The following MSL2 variants were observed in gnomAD, a reference collection of about 807,000 sequenced individuals.
The protein encoded by MSL2 is MSL complex subunit 2.
In MSL2, 2 loss-of-function variants were observed where a neutral mutation model predicts 35.8. The observed-to-expected ratio is 0.06, with a 90% confidence interval of 0.02 to 0.18. The LOEUF is 0.18. MSL2 is among the 10% of genes least tolerant of loss of function. MSL2 has a pLI of 1.00. For missense variants in MSL2, 523 were observed against 706.7 expected (o/e 0.74, Z 2.95); for synonymous variants, 296 against 255.7 (o/e 1.16, Z -1.50).
chr3:136,169,022 C>CT (rs1436496402), intron 1 of MSL2, among the ~76,000 whole-genome samples: 2 of 151,980 alleles, frequency 1.3e-5, no homozygotes. Flanking sequence ...CTGTGAGGCT[C>CT]TTGATCAAAA....
intron 1 of MSL2, among the ~76,000 whole-genome samples, chr3:136,185,582 G>T (rs538556852): frequency 6.0e-4 from 91 of 151,872 alleles, no homozygotes; most frequent in African/African-American, 2.1e-3. Flanking sequence ...TGTCGCCCAG[G>T]CTGGAGTGCA....
intron 1 of MSL2, among the ~76,000 whole-genome samples, chr3:136,170,369 T>G (rs560719216): frequency 8.4e-6 from 1 of 119,072 alleles, no homozygotes; most frequent in Non-Finnish European, 1.8e-5. Context: ...AAAAAAACCA[T>G]TGTTAACTAT....
intron 1 of MSL2, among the ~76,000 whole-genome samples, chr3:136,173,247 C>G (rs1428928694): frequency 1.3e-5 from 2 of 152,190 alleles, no homozygotes; most frequent in Non-Finnish European, 2.9e-5. Flanking sequence ...AACTACTGTT[C>G]ATAAACTGGT....
At chr3:136,180,655 G>C (rs1044320170) in intron 1 of MSL2, among the ~76,000 whole-genome samples, 2 of 149,786 alleles carry the variant, frequency 1.3e-5, no homozygotes, top group Non-Finnish European at 3.0e-5. Flanking sequence ...AGCCAAGATC[G>C]CACCACTGCA....
At chr3:136,175,801 C>G (rs1940156331) in intron 1 of MSL2, among the ~76,000 whole-genome samples, 1 of 152,166 alleles carries the variant, frequency 6.6e-6, no homozygotes, top group Non-Finnish European at 1.5e-5. Context: ...ATTGTTTAGC[C>G]TATGTTCATT....
chr3:136,158,428 C>T (rs1175763001), intron 1 of MSL2, among the ~76,000 whole-genome samples: 1 of 151,486 alleles, frequency 6.6e-6, no homozygotes, highest in Non-Finnish European at 1.5e-5. Flanking sequence ...CCTATTCACA[C>T]ACACACACAA....
chr3:136,180,795 AGG>A, intron 1 of MSL2, among the ~76,000 whole-genome samples: 1 of 62,692 alleles, frequency 1.6e-5, no homozygotes, highest in Non-Finnish European at 3.3e-5. Flanking sequence ...GGAGGGAGGG[AGG>A]GAGGGAGGGA....
At position 136,195,688 on chromosome 3, in the gene MSL2, G is replaced by A. The variant is rs1940823289; in HGVS notation, c.-575C>T. On this transcript the variant is annotated 5_prime_UTR_variant, in exon 1 of 2. Coordinates refer to ENST00000309993, the MANE Select transcript of MSL2 (RefSeq NM_018133.4). ...CGCCGCGGCGGCGACGAAGGTTGAT[G>A]TTGCGGCTGGCGGACGCCGCCGCCG... 3.0e-6 allele frequency: 3 copies of A among 985,282 alleles called. No individual in the cohort carries two copies. The Admixed American group carries it at 1.8e-4, about 61-fold the overall frequency. 61.0% of individuals were successfully genotyped at this position (985,282 alleles called of 1,614,324 possible). A position where few individuals can be genotyped will look rare whatever the true frequency, so the allele number is the denominator to read the frequency against.
chr3:136,177,666 G>A (rs561102026), intron 1 of MSL2, among the ~76,000 whole-genome samples: 87 of 136,462 alleles, frequency 6.4e-4, no homozygotes, highest in African/African-American at 2.3e-3. Context: ...GCGACAGAGC[G>A]AGACTCCGTC....
At chr3:136,160,053 C>T (rs1418680094) in intron 1 of MSL2, among the ~76,000 whole-genome samples, 6 of 151,794 alleles carry the variant, frequency 4.0e-5, no homozygotes, top group South Asian at 4.2e-4. Flanking sequence ...GGGCAGATCA[C>T]GTGAGGTCAG....
intron 1 of MSL2, among the ~76,000 whole-genome samples, chr3:136,187,349 CTCT>C (rs1217461383): frequency 6.6e-6 from 1 of 152,064 alleles, no homozygotes; most frequent in Non-Finnish European, 1.5e-5. Context: ...TTAAAGAATC[CTCT>C]TATTAGAGAC....
intron 1 of MSL2, among the ~76,000 whole-genome samples, chr3:136,186,909 T>C (rs1940539031): frequency 6.6e-6 from 1 of 152,204 alleles, no homozygotes; most frequent in Non-Finnish European, 1.5e-5. Context: ...CTTTAAATCA[T>C]CTGCAGATTA....
intron 1 of MSL2, among the ~76,000 whole-genome samples, chr3:136,183,167 CA>C (rs2108088897): frequency 6.6e-6 from 1 of 152,064 alleles, no homozygotes; most frequent in East Asian, 1.9e-4. Context: ...AAGAAAGAAG[CA>C]GGAAAATATA....
At chr3:136,178,979 CTT>C (rs763670751) in intron 1 of MSL2, among the ~76,000 whole-genome samples, 73 of 101,796 alleles carry the variant, frequency 7.2e-4, no homozygotes, top group African/African-American at 1.5e-3. Flanking sequence ...TGTTGGTTTT[CTT>C]TTTTTTTTTT....
intron 1 of MSL2, among the ~76,000 whole-genome samples, chr3:136,157,590 A>C (rs1939570852): frequency 6.6e-6 from 1 of 152,164 alleles, no homozygotes; most frequent in Non-Finnish European, 1.5e-5. Flanking sequence ...AATAAATAAC[A>C]CCAAAAGTTG....
At chr3:136,153,061 G>A (rs1411036446) in intron 1 of MSL2, 1 of 985,246 alleles carries the variant, frequency 1.0e-6, no homozygotes, top group Non-Finnish European at 1.2e-6. Flanking sequence ...TCAGACACCA[G>A]AAGCACAAAC....
chr3:136,166,445 A>G (rs1475789963), intron 1 of MSL2, among the ~76,000 whole-genome samples: 3 of 147,694 alleles, frequency 2.0e-5, no homozygotes, highest in Non-Finnish European at 3.0e-5. Context: ...CACCAAAAAG[A>G]AAAAAAAAAA....
chr3:136,191,504 C>T (rs1239033638), intron 1 of MSL2, among the ~76,000 whole-genome samples: 1 of 150,904 alleles, frequency 6.6e-6, no homozygotes, highest in East Asian at 1.9e-4. Flanking sequence ...AGGCCAGGAG[C>T]CACAGTGGCT....
In MSL2 at chr3:136,195,294, T is replaced by TG. The variant is rs1940803959; in HGVS notation, c.-182dup. On this transcript the variant is annotated 5_prime_UTR_variant, in exon 1 of 2. Transcript: ENST00000309993. ...GGAGCTGAAACAATCCTCCCACACA[T>TG]GGGGCCTTGGCGCCCCTCCGTCCCT... The TG allele has an allele frequency of 7.1e-7, 1 of 1,413,990 alleles. No homozygotes were observed. The allele number at this position is 1,413,990 out of a possible 1,614,324, so 87.6% of individuals were successfully genotyped here. A position where few individuals can be genotyped will look rare whatever the true frequency, so the allele number is the denominator to read the frequency against.
Sources: gnomAD v4.1 joint callset for allele counts (sites outside exome capture counted in the v4.1 genomes callset) on GRCh38, gnomAD v4.1.1 for gene constraint, MANE v1.5 for transcripts, NCBI Gene and HGNC (gene_info 2026-07-23, HGNC 2026-07-21) for gene names.